The following OLFM3 variants were observed in gnomAD, a reference collection of about 807,000 sequenced individuals.
OLFM3 encodes noelin-3.
A neutral mutation model predicts 48.6 loss-of-function variants in OLFM3; 20 were observed. That is an observed-to-expected ratio of 0.41 (90% CI 0.29 to 0.60). The LOEUF is 0.60. Ranked by LOEUF, OLFM3 falls within the 20% of genes least tolerant of loss-of-function variation. OLFM3 has a pLI of 0.28. For synonymous variants in OLFM3, 222 were observed against 198.1 expected (o/e 1.12, Z -1.01); for missense variants, 437 against 544.3 (o/e 0.80, Z 1.96).
At chr1:101,921,193 A>C (rs1436179668) in intron 1 of OLFM3, among the ~76,000 whole-genome samples, 1 of 116,722 alleles carries the variant, frequency 8.6e-6, no homozygotes, top group East Asian at 2.6e-4. Context: ...CAATCTATTT[A>C]AGTTTATACA....
intron 1 of OLFM3, among the ~76,000 whole-genome samples, chr1:101,857,599 C>T (rs1275954723): frequency 6.6e-6 from 1 of 151,764 alleles, no homozygotes; most frequent in Non-Finnish European, 1.5e-5. Flanking sequence ...CCTTTCCCCC[C>T]TCTCCTTTCC....
At chr1:101,926,578 A>G (rs1477863700) in intron 1 of OLFM3, among the ~76,000 whole-genome samples, 1 of 152,188 alleles carries the variant, frequency 6.6e-6, no homozygotes. Context: ...TCTGGTTTCA[A>G]ATTTTAGCAG....
At chr1:101,965,502 C>T (rs968402683) in intron 1 of OLFM3, among the ~76,000 whole-genome samples, 5 of 152,150 alleles carry the variant, frequency 3.3e-5, no homozygotes, top group African/African-American at 2.4e-5. Flanking sequence ...AATTAGCTAT[C>T]CAGATCTTTG....
Position 101,836,860 on chromosome 1 carries a change from G to A in OLFM3, c.216+19C>T. The A allele has an allele frequency of 6.2e-7, 1 of 1,612,284 alleles. No individual in the cohort carries two copies. Among genetic ancestry groups the A allele is most frequent in the South Asian group, 1.1e-5 (1 of 90,980 alleles). ...GTCGATTTTACTAAAAATATGCATA[G>A]GGGACACAGGACACCTACCTTTTCC... On this transcript the variant is annotated intron_variant, in intron 2 of 5. Coordinates refer to ENST00000370103, the MANE Select transcript of OLFM3 (RefSeq NM_058170.4).
At chr1:101,864,259 T>C (rs535604736) in intron 1 of OLFM3, among the ~76,000 whole-genome samples, 2 of 152,334 alleles carry the variant, frequency 1.3e-5, no homozygotes, top group East Asian at 3.9e-4. Flanking sequence ...TGTATGATCA[T>C]AGCTGAAAGC....
intron 1 of OLFM3, among the ~76,000 whole-genome samples, chr1:101,916,793 A>G (rs187233081): frequency 6.6e-6 from 1 of 152,302 alleles, no homozygotes; most frequent in Admixed American, 6.5e-5. Flanking sequence ...TAATTGGTGT[A>G]TTATTATACC....
intron 1 of OLFM3, among the ~76,000 whole-genome samples, chr1:101,855,856 G>A (rs1656390277): frequency 6.6e-6 from 1 of 152,074 alleles, no homozygotes; most frequent in African/African-American, 2.4e-5. Flanking sequence ...GATCAGAAAG[G>A]AGACTGTTTC....
intron 2 of OLFM3, among the ~76,000 whole-genome samples, chr1:101,832,782 G>T (rs1418963703): frequency 6.6e-6 from 1 of 152,184 alleles, no homozygotes; most frequent in African/African-American, 2.4e-5. Flanking sequence ...TTAGGCAACA[G>T]CATTATAGGA....
At chr1:101,969,111 G>C (rs541486483) in intron 1 of OLFM3, among the ~76,000 whole-genome samples, 8 of 152,180 alleles carry the variant, frequency 5.3e-5, no homozygotes, top group Admixed American at 3.9e-4. Context: ...ATTTTACTTA[G>C]CTGGATTACA....
At position 101,846,927 on chromosome 1, in the gene OLFM3, G is replaced by A. The variant is rs755892248; in HGVS notation, c.70-9902C>T. 2.5e-5 allele frequency: 40 copies of A among 1,612,646 alleles called. No homozygotes were observed. The Admixed American group carries it at 5.2e-4, about 21-fold the overall frequency. ...TTGGGACATCCAGTTTGAGATCATT[G>A]CCATGGTACTAAGCACAGCGCCAAG... is the stretch of plus-strand genomic sequence containing the variant. On this transcript the variant is annotated intron_variant, in intron 1 of 5. Coordinates refer to ENST00000370103, the MANE Select transcript of OLFM3 (RefSeq NM_058170.4).
At chr1:101,963,007 G>A (rs1322717021) in intron 1 of OLFM3, among the ~76,000 whole-genome samples, 1 of 152,184 alleles carries the variant, frequency 6.6e-6, no homozygotes, top group East Asian at 1.9e-4. Flanking sequence ...GGATTTTCAC[G>A]AATTCCCTAG....
At chr1:101,956,103 TAA>T (rs1553183053) in intron 1 of OLFM3, among the ~76,000 whole-genome samples, 16 of 143,254 alleles carry the variant, frequency 1.1e-4, no homozygotes, top group Non-Finnish European at 7.5e-5. Context: ...TTTTTTTTTT[TAA>T]AAAAAACCTT....
intron 1 of OLFM3, among the ~76,000 whole-genome samples, chr1:101,901,234 T>C (rs1658377587): frequency 6.6e-6 from 1 of 152,086 alleles, no homozygotes; most frequent in Admixed American, 6.6e-5. Context: ...TGTCATACTG[T>C]TGGAAGAACC....
chr1:101,893,827 C>T (rs1658094813), intron 1 of OLFM3: 1 of 152,948 alleles, frequency 6.5e-6, no homozygotes. Context: ...TAATGGCTTT[C>T]CCTTTTTTGA....
intron 1 of OLFM3, among the ~76,000 whole-genome samples, chr1:101,979,694 G>A (rs367926849): frequency 5.9e-5 from 9 of 152,288 alleles, no homozygotes; most frequent in Non-Finnish European, 7.3e-5. Context: ...CTGCTAGGGC[G>A]GTACAGAAGG....
chr1:101,830,497 T>C (rs898746401), intron 3 of OLFM3, among the ~76,000 whole-genome samples, 175 bp downstream of exon 3: 15 of 152,212 alleles, frequency 9.9e-5, no homozygotes, highest in African/African-American at 3.4e-4. Context: ...AAGACTTCCA[T>C]GTCTTCCTAC....
chr1:101,988,961 A>G (rs1001672600), intron 1 of OLFM3, among the ~76,000 whole-genome samples: 3 of 152,140 alleles, frequency 2.0e-5, no homozygotes, highest in African/African-American at 7.2e-5. Flanking sequence ...ATGAACAACT[A>G]TTCTGCATCA....
intron 4 of OLFM3, among the ~76,000 whole-genome samples, chr1:101,808,387 C>T (rs1162985546): frequency 6.6e-6 from 1 of 151,478 alleles, no homozygotes; most frequent in African/African-American, 2.4e-5. Context: ...GAATAAGATG[C>T]ATTTGTGTCT....
intron 1 of OLFM3, among the ~76,000 whole-genome samples, chr1:101,926,548 C>T (rs1425613152): frequency 6.6e-6 from 1 of 152,174 alleles, no homozygotes; most frequent in South Asian, 2.1e-4. Flanking sequence ...GACAAGTTAT[C>T]AGAGCCTGGA....
Sources: allele counts gnomAD v4.1 joint callset (sites outside exome capture counted in the v4.1 genomes callset), GRCh38; gene constraint gnomAD v4.1.1; transcripts MANE v1.5; gene names NCBI Gene and HGNC (gene_info 2026-07-23, HGNC 2026-07-21).